PHKB: variants seen among roughly 807,000 people sequenced by gnomAD.
PHKB encodes the protein phosphorylase b kinase regulatory subunit beta.
Under a neutral mutation model 152.1 loss-of-function variants are expected in PHKB, and 122 were observed. The observed-to-expected ratio is 0.80, with a 90% confidence interval of 0.69 to 0.93. PHKB has a LOEUF of 0.93. Among genes scored for constraint, PHKB ranks in the 40% least tolerant of loss-of-function variants. The probability of loss-of-function intolerance (pLI) is 0.00; values close to 1 mark genes in which losing one functional copy is unlikely to be tolerated. For missense variants in PHKB, 1,304 were observed against 1,328.4 expected (o/e 0.98, Z 0.29); for synonymous variants, 436 against 464.9 (o/e 0.94, Z 0.80).
At position 47,660,559 on chromosome 16, in the gene PHKB, C is replaced by T. The variant is rs370232857; in HGVS notation, c.2025C>T (p.Asp675=). The T allele has an allele frequency of 1.9e-6, 3 of 1,613,112 alleles. No homozygotes were observed. The highest frequency in any genetic ancestry group is 3.3e-5 in the Admixed American group (2 of 60,002). Residue 675 remains aspartate (D), a synonymous_variant, in exon 21 of 31, where the codon GAC becomes GAT. Transcript: ENST00000323584. ...VEQLDFLRIS[D]TEELPEFKSF... ...AACTTGATTTCCTACGAATCAGTGACACAGAAGAGTAAGTCCCTTTGGGTT... is the reference window on the plus strand; with the variant it reads ...AACTTGATTTCCTACGAATCAGTGATACAGAAGAGTAAGTCCCTTTGGGTT...
chr16:47,499,662 A>T, intron 2 of PHKB, 94 bp from the exon 3 acceptor site: 1 of 1,441,418 alleles, frequency 6.9e-7, no homozygotes, highest in Non-Finnish European at 9.7e-7. Flanking sequence ...AAATCGTCAG[A>T]AGTGGGATGA....
At chr16:47,483,870 T>G (rs539114452) in intron 1 of PHKB, among the ~76,000 whole-genome samples, 1 of 152,350 alleles carries the variant, frequency 6.6e-6, no homozygotes, top group South Asian at 2.1e-4. Context: ...TAGTAAATAC[T>G]TATTAAGCAC....
At chr16:47,514,268 T>G (rs1000895946) in intron 5 of PHKB, among the ~76,000 whole-genome samples, 2 of 152,136 alleles carry the variant, frequency 1.3e-5, no homozygotes, top group African/African-American at 4.8e-5. Flanking sequence ...CACACAATTA[T>G]GGAGGCTGAG....
intron 7 of PHKB, among the ~76,000 whole-genome samples, chr16:47,551,379 C>T (rs1477882261): frequency 1.3e-5 from 2 of 152,180 alleles, no homozygotes; most frequent in African/African-American, 4.8e-5. Flanking sequence ...CTAAACACGG[C>T]TTTAGCTGTG....
At chr16:47,608,425 T>C (rs1972366705) in intron 13 of PHKB, among the ~76,000 whole-genome samples, 1 of 152,188 alleles carries the variant, frequency 6.6e-6, no homozygotes, top group East Asian at 1.9e-4. Context: ...TATTTGTCAA[T>C]AAAAAAACTT....
chr16:47,610,159 A>ATTTTTTTTTTTTTTTT (rs371224839), intron 13 of PHKB, among the ~76,000 whole-genome samples: 7 of 99,430 alleles, frequency 7.0e-5, no homozygotes, highest in Admixed American at 1.3e-4. Context: ...TGCCCAGCTA[A>ATTTTTTTTTTTTTTTT]TTTTTTTTTT....
intron 14 of PHKB, among the ~76,000 whole-genome samples, chr16:47,640,716 G>A (rs113684062): frequency 0.017 from 2,612 of 152,120 alleles, 31 homozygotes; most frequent in Non-Finnish European, 0.026. Context: ...TCCCTTTAGA[G>A]TTAAATGATG....
chr16:47,580,391 T>C (rs770514735), intron 8 of PHKB, 33 bp downstream of exon 8: 16 of 1,425,038 alleles, frequency 1.1e-5, no homozygotes, highest in Non-Finnish European at 1.5e-5. Context: ...TCTTTGATTA[T>C]TTGAATTGCA....
chr16:47,598,888 G>T, intron 13 of PHKB: 1 of 1,603,332 alleles, frequency 6.2e-7, no homozygotes, highest in Non-Finnish European at 8.5e-7. Context: ...TGCATTTTTA[G>T]GGATTTCCTC....
At chr16:47,489,867 A>G (rs1450674067) in intron 1 of PHKB, among the ~76,000 whole-genome samples, 1 of 152,214 alleles carries the variant, frequency 6.6e-6, no homozygotes, top group Non-Finnish European at 1.5e-5. Context: ...ATGGATTCTT[A>G]TTGCACTGAT....
intron 18 of PHKB, among the ~76,000 whole-genome samples, chr16:47,650,258 A>G (rs1051486658): frequency 3.9e-5 from 6 of 152,182 alleles, no homozygotes; most frequent in Admixed American, 3.9e-4. Context: ...AAATAGATTA[A>G]CATTTAAAAA....
intron 6 of PHKB, among the ~76,000 whole-genome samples, chr16:47,539,438 C>G (rs1255407067): frequency 2.0e-5 from 3 of 151,468 alleles, no homozygotes; most frequent in Non-Finnish European, 4.4e-5. Context: ...CATATTATAT[C>G]TAGTATAAAA....
At chr16:47,643,437 A>G (rs528593478) in intron 16 of PHKB, among the ~76,000 whole-genome samples, 1 of 152,236 alleles carries the variant, frequency 6.6e-6, no homozygotes, top group Non-Finnish European at 1.5e-5. Context: ...AAGACTTACA[A>G]CAGTTCCTGG....
intron 1 of PHKB, among the ~76,000 whole-genome samples, chr16:47,469,258 T>C (rs539291080): frequency 1.3e-4 from 20 of 152,302 alleles, no homozygotes; most frequent in Admixed American, 7.2e-4. Context: ...AATATGGTTA[T>C]TATATAGATG....
At chr16:47,542,879 A>T (rs937562353) in intron 6 of PHKB, among the ~76,000 whole-genome samples, 1 of 152,218 alleles carries the variant, frequency 6.6e-6, no homozygotes, top group African/African-American at 2.4e-5. Context: ...GAAGTTGCTT[A>T]TCAGCTTAAG....
chr16:47,576,007 C>A (rs549375748), intron 7 of PHKB, among the ~76,000 whole-genome samples: 1 of 151,970 alleles, frequency 6.6e-6, no homozygotes, highest in Non-Finnish European at 1.5e-5. Context: ...ACCCGGGAGG[C>A]GGAGGTTGTG....
rs550413502 is a variant in PHKB at position 47,631,625 on chromosome 16, G to A, written c.1459-9410G>A. Among the ~76,000 whole-genome samples the A allele has an allele frequency of 1.2e-4, 18 of 151,446 alleles. No homozygotes were observed. The East Asian group carries it at 2.0e-3, about 17-fold the overall frequency. On this transcript the variant is annotated intron_variant, in intron 14 of 30. Coordinates refer to ENST00000323584, the MANE Select transcript of PHKB (RefSeq NM_000293.3). Reference sequence around the variant, plus strand: ...GTATTTCTCCCAATGCTGTCCCCCCGCTAGCCTCCCACCCTCCGACAGGCC... The same window carrying A: ...GTATTTCTCCCAATGCTGTCCCCCCACTAGCCTCCCACCCTCCGACAGGCC...
At chr16:47,666,154 G>T (rs1973535292) in intron 25 of PHKB, 1 of 742,592 alleles carries the variant, frequency 1.3e-6, no homozygotes, top group Admixed American at 2.1e-5. Context: ...ATTTATAAGG[G>T]CTCAGGCACT....
At chr16:47,548,347 G>A (rs1013605833) in intron 7 of PHKB, among the ~76,000 whole-genome samples, 8 of 152,154 alleles carry the variant, frequency 5.3e-5, no homozygotes, top group Admixed American at 2.6e-4. Flanking sequence ...GGTGGCTCAC[G>A]CCTGTAATCC....
Sources: gnomAD v4.1 joint callset for allele counts (sites outside exome capture counted in the v4.1 genomes callset) on GRCh38, gnomAD v4.1.1 for gene constraint, MANE v1.5 for transcripts, NCBI Gene and HGNC (gene_info 2026-07-23, HGNC 2026-07-21) for gene names.